FSTL5: variants seen among roughly 807,000 people sequenced by gnomAD.
FSTL5 encodes follistatin like 5, also known as follistatin-related protein 5.
In FSTL5, 62 loss-of-function variants were observed where a neutral mutation model predicts 89.1. That is an observed-to-expected ratio of 0.70 (90% CI 0.57 to 0.86). FSTL5 has a LOEUF of 0.86. Ranked by LOEUF, FSTL5 falls within the 40% of genes least tolerant of loss-of-function variation. FSTL5 has a pLI of 0.00. For synonymous variants in FSTL5, 383 were observed against 346.2 expected, an observed-to-expected ratio of 1.11 and a Z score of -1.18; for missense variants, 1,057 against 1,001.6, an observed-to-expected ratio of 1.06 and a Z score of -0.75.
chr4:161,542,867 C>T (rs1243877195), intron 8 of FSTL5, among the ~76,000 whole-genome samples, 174 bp from the exon 9 acceptor site: 2 of 151,878 alleles, frequency 1.3e-5, no homozygotes, highest in African/African-American at 4.8e-5. Context: ...CCAGTGTTAC[C>T]TGTATAAAAA....
intron 5 of FSTL5, among the ~76,000 whole-genome samples, chr4:161,766,403 G>A (rs1358067627): frequency 6.6e-6 from 1 of 152,100 alleles, no homozygotes; most frequent in East Asian, 1.9e-4. Flanking sequence ...GCAGGACCAC[G>A]ATGCCAGAAA....
At chr4:161,572,966 G>C (rs1262188839) in intron 8 of FSTL5, among the ~76,000 whole-genome samples, 1 of 152,136 alleles carries the variant, frequency 6.6e-6, no homozygotes, top group Admixed American at 6.5e-5. Flanking sequence ...TGTGGGTATG[G>C]GGTAAGCTAT....
intron 6 of FSTL5, among the ~76,000 whole-genome samples, chr4:161,718,229 A>G (rs1024999031): frequency 6.6e-6 from 1 of 152,198 alleles, no homozygotes; most frequent in African/African-American, 2.4e-5. Context: ...CTCTCAGTTT[A>G]TTATCAGTAA....
At chr4:161,807,501 T>C (rs918582040) in intron 4 of FSTL5, among the ~76,000 whole-genome samples, 1 of 152,188 alleles carries the variant, frequency 6.6e-6, no homozygotes, top group Admixed American at 6.5e-5. Flanking sequence ...GTATTTGTAA[T>C]ACTGTGCATG....
At chr4:162,072,271 T>C (rs542389810) in intron 2 of FSTL5, among the ~76,000 whole-genome samples, 10 of 151,988 alleles carry the variant, frequency 6.6e-5, no homozygotes, top group African/African-American at 2.4e-4. Flanking sequence ...AAAGTGTGTT[T>C]ATTTACTAAA....
intron 7 of FSTL5, among the ~76,000 whole-genome samples, chr4:161,613,547 G>A (rs1270656781): frequency 1.3e-5 from 2 of 152,066 alleles, no homozygotes; most frequent in Admixed American, 1.3e-4. Flanking sequence ...AGGGCGATTA[G>A]ATAGTGTAGG....
chr4:161,491,728 C>T (rs1729881499), intron 12 of FSTL5, among the ~76,000 whole-genome samples: 1 of 151,918 alleles, frequency 6.6e-6, no homozygotes, highest in Non-Finnish European at 1.5e-5. Context: ...GTAATCCCAG[C>T]TACTGCAGAG....
At chr4:162,048,058 G>T (rs916215872) in intron 2 of FSTL5, among the ~76,000 whole-genome samples, 1 of 151,864 alleles carries the variant, frequency 6.6e-6, no homozygotes, top group African/African-American at 2.4e-5. Flanking sequence ...CAGGTGTGGC[G>T]GGTCACGCCT....
intron 10 of FSTL5, among the ~76,000 whole-genome samples, chr4:161,521,464 T>TA (rs1731018040): frequency 6.6e-6 from 1 of 152,122 alleles, no homozygotes; most frequent in African/African-American, 2.4e-5. Context: ...TAAGTGCCTG[T>TA]AAATCAGTTT....
At chr4:161,964,282 T>G (rs530226603) in intron 3 of FSTL5, among the ~76,000 whole-genome samples, 1 of 152,182 alleles carries the variant, frequency 6.6e-6, no homozygotes, top group South Asian at 2.1e-4. Flanking sequence ...AAATGACATC[T>G]TCACACTTCA....
At chr4:161,709,518 T>C (rs1164355436) in intron 6 of FSTL5, among the ~76,000 whole-genome samples, 2 of 152,166 alleles carry the variant, frequency 1.3e-5, no homozygotes, top group African/African-American at 4.8e-5. Flanking sequence ...AGTTTAAACG[T>C]TGGCTGGTGC....
chr4:161,694,383 A>G (rs1447784945), intron 6 of FSTL5, among the ~76,000 whole-genome samples: 1 of 152,026 alleles, frequency 6.6e-6, no homozygotes. Context: ...TGTCTGCTCA[A>G]ATCTGCTATT....
At chr4:161,972,910 T>G (rs1302581875) in intron 3 of FSTL5, among the ~76,000 whole-genome samples, 3 of 152,204 alleles carry the variant, frequency 2.0e-5, no homozygotes, top group African/African-American at 7.2e-5. Context: ...ATTTACACAC[T>G]TGTTTATAAA....
At chr4:161,695,228 T>A (rs1738099354) in intron 6 of FSTL5, among the ~76,000 whole-genome samples, 1 of 152,004 alleles carries the variant, frequency 6.6e-6, no homozygotes, top group South Asian at 2.1e-4. Context: ...TTCCCCCGAG[T>A]CCCCAAAGTC....
At position 161,723,624 on chromosome 4, in the gene FSTL5, CT is replaced by C. The variant is rs1446244977; in HGVS notation, c.727+35786del. 2.6e-5 allele frequency among the ~76,000 whole-genome samples: 4 copies of C among 152,206 alleles called. No homozygotes were observed. The East Asian group carries it at 7.7e-4, about 29-fold the overall frequency. On this transcript the variant is annotated intron_variant, in intron 6 of 15. Coordinates refer to ENST00000306100, the MANE Select transcript of FSTL5 (RefSeq NM_020116.5). The stretch of plus-strand genomic sequence containing the variant: ...CATTGCATCCTGGGAGATGGAATGG[CT>C]TCAGAACTAGAACAATGCCAGCAAA...
chr4:161,817,754 A>G (rs2126846497), intron 4 of FSTL5, among the ~76,000 whole-genome samples: 1 of 152,336 alleles, frequency 6.6e-6, no homozygotes, highest in Middle Eastern at 3.4e-3. Context: ...GTATTTTCAG[A>G]TTAAAATATG....
At chr4:161,916,764 T>C (rs1341405178) in intron 4 of FSTL5, among the ~76,000 whole-genome samples, 1 of 151,962 alleles carries the variant, frequency 6.6e-6, no homozygotes, top group Non-Finnish European at 1.5e-5. Context: ...TCAATAATAA[T>C]AAAAAATGCT....
At chr4:161,881,398 A>G (rs2126911021) in intron 4 of FSTL5, among the ~76,000 whole-genome samples, 1 of 152,024 alleles carries the variant, frequency 6.6e-6, no homozygotes, top group African/African-American at 2.4e-5. Flanking sequence ...AATATTCCTT[A>G]GAGTTTTAAG....
intron 2 of FSTL5, among the ~76,000 whole-genome samples, chr4:162,096,056 C>T (rs1007393925): frequency 1.3e-5 from 2 of 151,812 alleles, no homozygotes; most frequent in South Asian, 4.1e-4. Flanking sequence ...AGATATTACC[C>T]TTGTGGTCAG....
Sources: gnomAD v4.1 joint callset for allele counts (sites outside exome capture counted in the v4.1 genomes callset) on GRCh38, gnomAD v4.1.1 for gene constraint, MANE v1.5 for transcripts, NCBI Gene and HGNC (gene_info 2026-07-23, HGNC 2026-07-21) for gene names.